CNTNAP2: variants seen among roughly 807,000 people sequenced by gnomAD.
CNTNAP2 encodes the protein contactin associated protein 2.
Under a neutral mutation model 155.2 loss-of-function variants are expected in CNTNAP2, and 98 were observed. That is an observed-to-expected ratio of 0.63 (90% CI 0.54 to 0.75). CNTNAP2 has a LOEUF of 0.75. Ranked by LOEUF, CNTNAP2 falls within the 30% of genes least tolerant of loss-of-function variation. The pLI is 0.00. For missense variants in CNTNAP2, 1,727 were observed against 1,688.1 expected (o/e 1.02, Z -0.40); for synonymous variants, 651 against 631.2 (o/e 1.03, Z -0.47).
intron 3 of CNTNAP2, among the ~76,000 whole-genome samples, chr7:146,996,763 A>T (rs1798316056): frequency 1.3e-5 from 2 of 152,066 alleles, no homozygotes; most frequent in Non-Finnish European, 2.9e-5. Context: ...AAGCGGTGAA[A>T]GCAGATGATA....
intron 8 of CNTNAP2, among the ~76,000 whole-genome samples, chr7:147,216,287 T>C (rs770492018): frequency 6.6e-6 from 1 of 152,070 alleles, no homozygotes; most frequent in Non-Finnish European, 1.5e-5. Flanking sequence ...TTCTCATGTG[T>C]TAATTTCTAG....
At chr7:147,060,990 C>A (rs2129262238) in intron 4 of CNTNAP2, among the ~76,000 whole-genome samples, 1 of 152,288 alleles carries the variant, frequency 6.6e-6, no homozygotes, top group Admixed American at 6.5e-5. Context: ...TATTCAATAA[C>A]TTTATTACTA....
At chr7:146,917,402 G>T (rs886410309) in intron 3 of CNTNAP2, among the ~76,000 whole-genome samples, 1 of 152,150 alleles carries the variant, frequency 6.6e-6, no homozygotes, top group African/African-American at 2.4e-5. Context: ...TGTCAGTGGA[G>T]TATTGAGGTC....
rs76388615 is a variant in CNTNAP2 at position 146,826,711 on chromosome 7, C to T, written c.209-13000C>T. Among the ~76,000 whole-genome samples, 609 of 152,106 alleles carry T rather than the reference C, an allele frequency of 4.0e-3. 5 individuals are homozygous for T. The highest frequency in any genetic ancestry group is 7.0e-3 in the Non-Finnish European group (475 of 67,996). On this transcript the variant is annotated intron_variant, in intron 2 of 23. Coordinates refer to ENST00000361727, the MANE Select transcript of CNTNAP2 (RefSeq NM_014141.6). The stretch of plus-strand genomic sequence containing the variant: ...TCCACACTCCTTTCCTAGTGTGGTC[C>T]ACTCTGAGTGCTAGAGTTTTAATAC...
chr7:148,320,721 C>G (rs1797778606), intron 21 of CNTNAP2, among the ~76,000 whole-genome samples: 1 of 152,136 alleles, frequency 6.6e-6, no homozygotes, highest in Non-Finnish European at 1.5e-5. Context: ...TCCACCCCAC[C>G]TGTGCTAGAC....
intron 1 of CNTNAP2, among the ~76,000 whole-genome samples, chr7:146,483,833 A>G (rs1415789112): frequency 3.3e-5 from 5 of 152,162 alleles, no homozygotes; most frequent in Admixed American, 3.3e-4. Context: ...TCATAAAGTT[A>G]CCGTAAGCTA....
intron 1 of CNTNAP2, among the ~76,000 whole-genome samples, chr7:146,580,754 T>G (rs554754637): frequency 1.3e-5 from 2 of 152,100 alleles, no homozygotes; most frequent in South Asian, 4.1e-4. Context: ...ATAAATATTA[T>G]TAAAATGTAA....
intron 19 of CNTNAP2, among the ~76,000 whole-genome samples, chr7:148,228,046 A>G (rs1795888166): frequency 6.6e-6 from 1 of 151,930 alleles, no homozygotes; most frequent in Admixed American, 6.6e-5. Context: ...TGTTTTAATT[A>G]GCATGTTTTA....
At chr7:148,214,244 A>C (rs1257467078) in intron 18 of CNTNAP2, among the ~76,000 whole-genome samples, 1 of 152,212 alleles carries the variant, frequency 6.6e-6, no homozygotes. Flanking sequence ...GTCAGCACCC[A>C]GCATCGTGCC....
At chr7:146,786,995 G>C (rs1802584998) in intron 2 of CNTNAP2, 1 of 152,192 alleles carries the variant, frequency 6.6e-6, no homozygotes, top group Admixed American at 6.5e-5. Context: ...TACAAGGTTT[G>C]TGCCTGAGCA....
intron 3 of CNTNAP2, among the ~76,000 whole-genome samples, chr7:146,870,168 TTGTACACCTG>T (rs1233122246): frequency 4.6e-5 from 7 of 151,932 alleles, no homozygotes; most frequent in African/African-American, 1.7e-4. Context: ...CGGCTCTTCT[TTGTACACCTG>T]GTGGAATTCG....
chr7:148,052,052 TG>T (rs1373574668), intron 15 of CNTNAP2, among the ~76,000 whole-genome samples: 1 of 146,446 alleles, frequency 6.8e-6, no homozygotes, highest in African/African-American at 2.5e-5. Context: ...GGCAGGAGAA[TG>T]GGGTGAACCC....
chr7:146,483,510 C>CGT lies in CNTNAP2; in HGVS notation c.98-290748_98-290747dup, dbSNP rs201996558. Reference sequence around the variant, plus strand: ...TAAAGCTTGTTTGTGTGTGTGTGTGCGTGTGTGTGTGTGTAATTTTTTTGG... The same window carrying CGT: ...TAAAGCTTGTTTGTGTGTGTGTGTGCGTGTGTGTGTGTGTGTAATTTTTTTGG... On this transcript the variant is annotated intron_variant, in intron 1 of 23. Transcript: ENST00000361727. 5.9e-3 allele frequency among the ~76,000 whole-genome samples: 863 copies of CGT among 145,826 alleles called. 6 individuals are homozygous for CGT. Among genetic ancestry groups the CGT allele is most frequent in the Middle Eastern group, 0.057 (16 of 280 alleles).
chr7:146,225,892 A>C (rs1277824729), intron 1 of CNTNAP2, among the ~76,000 whole-genome samples: 1 of 152,200 alleles, frequency 6.6e-6, no homozygotes, highest in African/African-American at 2.4e-5. Flanking sequence ...ACCTAAATTC[A>C]GTCCTTTTCA....
At chr7:147,902,873 G>T (rs186580580) in intron 13 of CNTNAP2, among the ~76,000 whole-genome samples, 26 of 149,946 alleles carry the variant, frequency 1.7e-4, no homozygotes, top group Middle Eastern at 3.5e-3. Context: ...TCCATTCATT[G>T]ACTGATGGGC....
At chr7:147,012,161 G>C (rs576913971) in intron 3 of CNTNAP2, among the ~76,000 whole-genome samples, 4 of 152,240 alleles carry the variant, frequency 2.6e-5, no homozygotes, top group African/African-American at 9.6e-5. Context: ...GGGTGGGAAG[G>C]AGTCACCCCT....
chr7:146,643,786 C>T (rs984246815), intron 1 of CNTNAP2, among the ~76,000 whole-genome samples: 1 of 152,058 alleles, frequency 6.6e-6, no homozygotes, highest in African/African-American at 2.4e-5. Flanking sequence ...ATTCTTCCTA[C>T]CCATGAGTAT....
chr7:147,818,187 T>C (rs904023465), intron 13 of CNTNAP2, among the ~76,000 whole-genome samples: 1 of 152,178 alleles, frequency 6.6e-6, no homozygotes, highest in African/African-American at 2.4e-5. Flanking sequence ...TTATCAAGTA[T>C]TGTCCTCTTA....
intron 1 of CNTNAP2, among the ~76,000 whole-genome samples, chr7:146,587,575 A>C (rs347176): frequency 0.33 from 50,361 of 152,054 alleles, 8,716 homozygotes; most frequent in East Asian, 0.48. Flanking sequence ...AAACACACAC[A>C]TACAAATGTC....
Sources: gnomAD v4.1 joint callset for allele counts (sites outside exome capture counted in the v4.1 genomes callset) on GRCh38, gnomAD v4.1.1 for gene constraint, MANE v1.5 for transcripts, NCBI Gene and HGNC (gene_info 2026-07-23, HGNC 2026-07-21) for gene names.